CYFIP1: variants seen among roughly 807,000 people sequenced by gnomAD.
CYFIP1 encodes cytoplasmic FMR1-interacting protein 1.
In CYFIP1, 58 loss-of-function variants were observed where a neutral mutation model predicts 163.5. That is an observed-to-expected ratio of 0.35 (90% CI 0.29 to 0.44). The LOEUF is 0.44. Among genes scored for constraint, CYFIP1 ranks in the 20% least tolerant of loss-of-function variants. CYFIP1 has a pLI of 1.00. For missense variants in CYFIP1, 1,338 were observed against 1,653.8 expected (o/e 0.81, Z 3.31); for synonymous variants, 663 against 660.7 (o/e 1.00, Z -0.05).
chr15:22,916,664 A>AAATATACATG, intron 15 of CYFIP1, 34 bp from the exon 16 acceptor site: 1 of 1,614,118 alleles, frequency 6.2e-7, no homozygotes, highest in Non-Finnish European at 8.5e-7. Context: ...GTGGGGGAGA[A>AAATATACATG]AATATACATG....
At chr15:22,901,825 T>G (rs1344451386) in intron 22 of CYFIP1, among the ~76,000 whole-genome samples, 2 of 152,226 alleles carry the variant, frequency 1.3e-5, no homozygotes, top group African/African-American at 2.4e-5. Context: ...CGCAAAATCC[T>G]GTTTTAAAAT....
At position 22,870,131 on chromosome 15, in the gene CYFIP1, GTGA is replaced by G; in HGVS notation, c.3656_3658del (p.Ile1219del). 1.2e-6 allele frequency: 2 copies of G among 1,612,968 alleles called. No individual in the cohort carries two copies. The highest frequency in any genetic ancestry group is 1.7e-6 in the Non-Finnish European group (2 of 1,179,556). ...TGACTTCAGGTACTTATCCAGGATG[GTGA>G]TGATCTCATCATTGAGAATCTGGAA... On this transcript the variant is annotated inframe_deletion, in exon 31 of 31. Coordinates refer to ENST00000617928, the MANE Select transcript of CYFIP1 (RefSeq NM_014608.6).
At chr15:22,901,221 A>C (rs557293731) in intron 22 of CYFIP1, among the ~76,000 whole-genome samples, 15 of 151,924 alleles carry the variant, frequency 9.9e-5, no homozygotes, top group East Asian at 7.7e-4. Flanking sequence ...AAAAAAAAAA[A>C]CCAAAAAAAC....
chr15:22,951,426 A>T, intron 1 of CYFIP1: 1 of 1,289,502 alleles, frequency 7.8e-7, no homozygotes, highest in Non-Finnish European at 1.0e-6. Flanking sequence ...CTGCAGAGCC[A>T]GCATGGGGGG....
At chr15:22,974,139 T>C (rs903234343) in intron 1 of CYFIP1, among the ~76,000 whole-genome samples, 6 of 152,166 alleles carry the variant, frequency 3.9e-5, no homozygotes, top group Admixed American at 3.9e-4. Flanking sequence ...ATATTAAAAA[T>C]AGAACTACCA....
At chr15:22,921,749 C>T (rs1191656967) in intron 13 of CYFIP1, among the ~76,000 whole-genome samples, 2 of 133,070 alleles carry the variant, frequency 1.5e-5, no homozygotes, top group African/African-American at 2.9e-5. Context: ...CTGGGCAACA[C>T]GCGAGACTCT....
rs766187143 is a variant in CYFIP1 at position 22,926,113 on chromosome 15, G to T, written c.1234-6C>A. 1.2e-6 allele frequency: 2 copies of T among 1,613,990 alleles called. No individual in the cohort carries two copies. Among genetic ancestry groups the T allele is most frequent in the East Asian group, 4.5e-5 (2 of 44,892 alleles). On this transcript the variant is annotated splice_polypyrimidine_tract_variant and splice_region_variant and intron_variant, in intron 12 of 30. Transcript: ENST00000617928. Reference sequence around the variant, plus strand: ...TGCACAAGCTTCCAGGAATACTGTGGTGGCCGAAAGAGCAGAGGTGTTCCA... The same window carrying T: ...TGCACAAGCTTCCAGGAATACTGTGTTGGCCGAAAGAGCAGAGGTGTTCCA...
chr15:22,944,266 A>G (rs1480967349), intron 5 of CYFIP1, among the ~76,000 whole-genome samples: 12 of 149,614 alleles, frequency 8.0e-5, no homozygotes, highest in Non-Finnish European at 1.8e-4. Context: ...AAAAAAGTAC[A>G]AACTGGCAAA....
intron 1 of CYFIP1, among the ~76,000 whole-genome samples, chr15:22,953,400 A>G (rs547312274): frequency 1.3e-5 from 2 of 152,310 alleles, no homozygotes; most frequent in Middle Eastern, 3.4e-3. Flanking sequence ...CCCCACTGCT[A>G]GAGAACAAAG....
At chr15:22,891,297 C>A (rs149870802) in intron 23 of CYFIP1, among the ~76,000 whole-genome samples, 1,865 of 152,172 alleles carry the variant, frequency 0.012, 24 homozygotes, top group Non-Finnish European at 0.016. Flanking sequence ...TGGTGTTGCA[C>A]ACCTGTAATC....
At chr15:22,947,906 C>T in intron 1 of CYFIP1, 1 of 982,192 alleles carries the variant, frequency 1.0e-6, no homozygotes, top group Non-Finnish European at 1.2e-6. Flanking sequence ...ATCGTCTAAA[C>T]ACACCTTCAG....
At chr15:22,940,889 A>G (rs1234102241) in intron 6 of CYFIP1, among the ~76,000 whole-genome samples, 2 of 151,964 alleles carry the variant, frequency 1.3e-5, no homozygotes, top group African/African-American at 4.8e-5. Flanking sequence ...AAAATATAAA[A>G]ATTAGCCCGG....
rs769699388 is a variant in CYFIP1 at position 22,875,241 on chromosome 15, C to T, written c.3073G>A (p.Ala1025Thr). The T allele has an allele frequency of 6.2e-6, 10 of 1,614,074 alleles. No individual in the cohort carries two copies. Among genetic ancestry groups the T allele is most frequent in the South Asian group, 4.4e-5 (4 of 91,074 alleles). ...SLEEVCDLLH[A>T]APFQNILPRV... ...GGCAAGATGTTCTGGAAAGGAGCCG[C>T]GTGCAGCAGGTCACACACTTCTTCT... The change falls in exon 27 of 31, where the codon GCG (alanine) becomes ACG (threonine). Residue 1025 changes from alanine to threonine, a missense_variant. Transcript: ENST00000617928.
intron 29 of CYFIP1, 50 bp downstream of exon 29, chr15:22,873,441 C>T (rs2059492266): frequency 6.7e-7 from 1 of 1,494,574 alleles, no homozygotes; most frequent in East Asian, 2.3e-5. Context: ...CCCTCCCCCA[C>T]AGCTCCTCCC....
At chr15:22,915,540 G>A (rs2060944204) in intron 16 of CYFIP1, among the ~76,000 whole-genome samples, 1 of 152,096 alleles carries the variant, frequency 6.6e-6, no homozygotes, top group Admixed American at 6.6e-5. Context: ...CACAAGGTCA[G>A]GAGTTTGAGA....
chr15:22,914,954 G>A (rs1159776995), intron 16 of CYFIP1, 72 bp from the exon 17 acceptor site: 14 of 1,492,194 alleles, frequency 9.4e-6, no homozygotes, highest in Non-Finnish European at 1.2e-5. Context: ...ATGACACAAG[G>A]GCTGTGTGCT....
In CYFIP1 at chr15:22,894,863, T is replaced by TTATATA. The variant is rs1555401560; in HGVS notation, c.2589-1892_2589-1887dup. ...AGTCTATATGTATATATTATATATT[T>TTATATA]TATATATATATATATTTTTTTTTTT... On this transcript the variant is annotated intron_variant, in intron 22 of 30. Transcript: ENST00000617928. Among the ~76,000 whole-genome samples the TTATATA allele has an allele frequency of 3.1e-4, 42 of 134,556 alleles. 2 individuals carry two copies. The South Asian group carries it at 7.4e-3, about 24-fold the overall frequency. 88.3% of individuals were successfully genotyped at this position (134,556 alleles called of 152,430 possible).
chr15:22,951,750 G>C (rs905361719), intron 1 of CYFIP1, among the ~76,000 whole-genome samples: 1 of 152,150 alleles, frequency 6.6e-6, no homozygotes, highest in African/African-American at 2.4e-5. Flanking sequence ...CTTCCTCCCC[G>C]GCCTCTGCCC....
intron 17 of CYFIP1, among the ~76,000 whole-genome samples, chr15:22,913,299 T>A: frequency 1.3e-5 from 2 of 149,426 alleles, no homozygotes. Flanking sequence ...GAGGCCGAGG[T>A]GGGCGGATCA....
Sources: gnomAD v4.1 joint callset for allele counts (sites outside exome capture counted in the v4.1 genomes callset) on GRCh38, gnomAD v4.1.1 for gene constraint, MANE v1.5 for transcripts, NCBI Gene and HGNC (gene_info 2026-07-23, HGNC 2026-07-21) for gene names.